Variants in IGFBP6 observed in about 807,000 individuals in gnomAD.
The protein encoded by IGFBP6 is insulin like growth factor binding protein 6, also known as insulin-like growth factor-binding protein 6.
IGFBP6 carries 24 observed loss-of-function variants against 24.5 expected under a neutral mutation model. The observed-to-expected ratio is 0.98, with a 90% CI of 0.71 to 1.38. IGFBP6 has a LOEUF of 1.38. Ranked by LOEUF, IGFBP6 falls within the 40% of genes most tolerant of loss-of-function variation. The probability of loss-of-function intolerance (pLI) is 0.00; values close to 1 mark genes in which losing one functional copy is unlikely to be tolerated. For synonymous variants in IGFBP6, 147 were observed against 137.4 expected, an observed-to-expected ratio of 1.07 and a Z score of -0.49; for missense variants, 331 against 324.8, an observed-to-expected ratio of 1.02 and a Z score of -0.15.
intron 3 of IGFBP6, 35 bp downstream of exon 3, chr12:53,101,195 G>A: frequency 6.2e-7 from 1 of 1,606,432 alleles, no homozygotes; most frequent in Non-Finnish European, 8.5e-7. Context: ...TGCTCCAGCA[G>A]AAGGCTCCTG....
intron 1 of IGFBP6, chr12:53,099,331 A>G (rs1937790221): frequency 2.2e-6 from 1 of 455,730 alleles, no homozygotes; most frequent in Non-Finnish European, 4.4e-6. Flanking sequence ...GCAGGTTGGA[A>G]GCCCCTCATT....
chr12:53,101,292 T>C, intron 3 of IGFBP6, 132 bp downstream of exon 3: 2 of 898,182 alleles, frequency 2.2e-6, no homozygotes, highest in Non-Finnish European at 3.4e-6. Flanking sequence ...TAGGAGAACA[T>C]AGAGAATATA....
rs768658045 is a variant in IGFBP6 at position 53,100,705 on chromosome 12, C to T, written c.335-7C>T. On this transcript the variant is annotated splice_region_variant and splice_polypyrimidine_tract_variant and intron_variant, in intron 1 of 3. Coordinates refer to ENST00000301464, the MANE Select transcript of IGFBP6 (RefSeq NM_002178.3). ...TCTGACCTCTCCTTCTCCTATTCCT[C>T]CTCCAGTTGCAGAGGAGAATCCTAA... 3.1e-6 allele frequency: 5 copies of T among 1,613,984 alleles called. No homozygotes were observed. In the South Asian group the frequency reaches 5.5e-5, roughly 18 times the overall value.
At chr12:53,098,098 C>T in intron 1 of IGFBP6, 47 bp downstream of exon 1, 3 of 1,391,674 alleles carry the variant, frequency 2.2e-6, no homozygotes, top group Non-Finnish European at 2.8e-6. Context: ...GACCCGCGTC[C>T]TCCAGGCAGG....
intron 3 of IGFBP6, 128 bp downstream of exon 3, chr12:53,101,288 A>G: frequency 1.1e-6 from 1 of 911,086 alleles, no homozygotes; most frequent in Non-Finnish European, 1.7e-6. Context: ...ACTTTAGGAG[A>G]ACATAGAGAA....
Position 53,097,823 on chromosome 12 carries a change from G to T in IGFBP6, c.106G>T (p.Val36Leu). 6.5e-7 allele frequency: 1 copy of T among 1,539,232 alleles called. No individual in the cohort carries two copies. The highest frequency in any genetic ancestry group is 8.7e-7 in the Non-Finnish European group (1 of 1,144,662). The change falls in exon 1 of 4, where the codon GTG becomes TTG. Residue 36 changes from valine to leucine, a missense_variant. Transcript: ENST00000301464. Reference sequence around the variant, plus strand: ...GCGGTGCCCAGGCTGCGGGCAAGGGGTGCAGGCGGGTTGTCCAGGGGGCTG... The same window carrying T: ...GCGGTGCCCAGGCTGCGGGCAAGGGTTGCAGGCGGGTTGTCCAGGGGGCTG... The part of the protein sequence containing the change: ...LARCPGCGQG[V>L]QAGCPGGCVE...
intron 2 of IGFBP6, 88 bp from the exon 3 acceptor site, chr12:53,100,953 T>G: frequency 1.2e-6 from 2 of 1,602,538 alleles, no homozygotes; most frequent in Non-Finnish European, 1.7e-6. Context: ...CTCCATTGTC[T>G]GTCCTGGGTG....
Position 53,100,763 on chromosome 12 carries a change from C to T in IGFBP6, c.386C>T (p.Pro129Leu). 6.2e-7 allele frequency: 1 copy of T among 1,614,186 alleles called. No individual in the cohort carries two copies. Among genetic ancestry groups the T allele is most frequent in the Non-Finnish European group, 8.5e-7 (1 of 1,180,026 alleles). Reference sequence around the variant, plus strand: ...AAACCCCAAGCAGGCACTGCCCGCCCACAGGATGTGAACCGCAGAGACCAA... The same window carrying T: ...AAACCCCAAGCAGGCACTGCCCGCCTACAGGATGTGAACCGCAGAGACCAA... ...ESKPQAGTARPQDVNRRDQQR... is the reference protein window; with the variant it reads ...ESKPQAGTARLQDVNRRDQQR... The change falls in exon 2 of 4, where the codon CCA (proline) becomes CTA (leucine). Residue 129 changes from proline to leucine, a missense_variant. Physicochemically the swap from Pro to Leu is moderately conservative, Grantham distance 98. Transcript: ENST00000301464.
chr12:53,100,321 C>T (rs1173862397), intron 1 of IGFBP6, among the ~76,000 whole-genome samples: 1 of 151,964 alleles, frequency 6.6e-6, no homozygotes, highest in Admixed American at 6.5e-5. Context: ...CACCACACCT[C>T]GGTAATTTTA....
In IGFBP6 at chr12:53,097,913, A is replaced by AGG; in HGVS notation, c.198_199dup (p.Glu67GlyfsTer67). ...CGCGGAAGCTGAGGGCTGTCTCAGG[A>AGG]GGGAGGGGCAGGAGTGCGGGGTCTA... On this transcript the variant is annotated frameshift_variant, in exon 1 of 4. Coordinates refer to ENST00000301464, the MANE Select transcript of IGFBP6 (RefSeq NM_002178.3). LOFTEE classifies it high-confidence loss of function. The AGG allele has an allele frequency of 6.6e-7, 1 of 1,515,134 alleles. No homozygotes were observed. Among genetic ancestry groups the AGG allele is most frequent in the Non-Finnish European group, 8.8e-7 (1 of 1,134,958 alleles). The allele number at this position is 1,515,134 out of a possible 1,614,324, so 93.9% of individuals were successfully genotyped here.
intron 1 of IGFBP6, among the ~76,000 whole-genome samples, chr12:53,098,468 G>A (rs9658603): frequency 0.039 from 5,988 of 152,256 alleles, 195 homozygotes; most frequent in South Asian, 0.17. Context: ...GGAGAAAAGG[G>A]GAGGGGAACC....
intron 1 of IGFBP6, chr12:53,099,212 A>G (rs1937786804): frequency 1.4e-5 from 6 of 433,134 alleles, no homozygotes; most frequent in Non-Finnish European, 2.8e-5. Context: ...CAGTCAGTAC[A>G]TGCTCCCCTT....
chr12:53,099,474 A>C (rs1937792163), intron 1 of IGFBP6: 1 of 340,704 alleles, frequency 2.9e-6, no homozygotes. Flanking sequence ...GCAGTGCCCC[A>C]GAAGTAACCA....
chr12:53,097,988 G>A lies in IGFBP6; in HGVS notation c.271G>A (p.Glu91Lys). ...GLQCHPPKDDEAPLRALLLGR... is the reference protein window; with the variant it reads ...GLQCHPPKDDKAPLRALLLGR... Reference sequence around the variant, plus strand: ...GCAGTGCCATCCGCCCAAGGACGACGAGGCGCCTTTGCGGGCGCTGCTGCT... The same window carrying A: ...GCAGTGCCATCCGCCCAAGGACGACAAGGCGCCTTTGCGGGCGCTGCTGCT... Residue 91 changes from glutamate to lysine, a missense_variant, in exon 1 of 4, where the codon GAG becomes AAG. Coordinates refer to ENST00000301464, the MANE Select transcript of IGFBP6 (RefSeq NM_002178.3). 2 of 1,516,778 alleles carry A rather than the reference G, an allele frequency of 1.3e-6. No homozygotes were observed. Among genetic ancestry groups the A allele is most frequent in the Non-Finnish European group, 8.8e-7 (1 of 1,139,730 alleles). The allele number at this position is 1,516,778 out of a possible 1,614,324, so 94.0% of individuals were successfully genotyped here. A position where few individuals can be genotyped will look rare whatever the true frequency, so the allele number is the denominator to read the frequency against.
At position 53,101,114 on chromosome 12, in the gene IGFBP6, T is replaced by G; in HGVS notation, c.554T>G (p.Leu185Arg). ...GAGGTCTACCGAGGGGCTCAAACAC[T>G]CTACGTGCCCAATTGTGACCATCGA... ...QTEVYRGAQT[L>R]YVPNCDHRGF... The change falls in exon 3 of 4, where the codon CTC (leucine) becomes CGC (arginine). Residue 185 changes from leucine (L) to arginine (R), a missense_variant. By Grantham distance (102) the Leu-to-Arg change is moderately radical. Coordinates refer to ENST00000301464, the MANE Select transcript of IGFBP6 (RefSeq NM_002178.3). 1 of 1,614,180 alleles carries G rather than the reference T, an allele frequency of 6.2e-7. No individual in the cohort carries two copies. Among genetic ancestry groups the G allele is most frequent in the South Asian group, 1.1e-5 (1 of 91,088 alleles).
At chr12:53,101,006 G>A in intron 2 of IGFBP6, 35 bp from the exon 3 acceptor site, 1 of 1,609,858 alleles carries the variant, frequency 6.2e-7, no homozygotes, top group Non-Finnish European at 8.5e-7. Context: ...AGCTGGGCTG[G>A]AGCGGTTCTA....
At chr12:53,100,274 C>T (rs757096977) in intron 1 of IGFBP6, among the ~76,000 whole-genome samples, 26 of 152,206 alleles carry the variant, frequency 1.7e-4, no homozygotes, top group Non-Finnish European at 3.2e-4. Flanking sequence ...GTCCTCCTGC[C>T]TCAGCCTCTC....
chr12:53,098,023 C>T lies in IGFBP6; in HGVS notation c.306C>T (p.Gly102=), dbSNP rs1238783834. The change falls in exon 1 of 4, where the codon GGC becomes GGT. Residue 102 remains glycine, a synonymous_variant. Transcript: ENST00000301464. ...TGCGGGCGCTGCTGCTCGGCCGAGG[C>T]CGCTGCCTTCCGGCCCGCGCGCCTG... ...APLRALLLGR[G]RCLPARAPAV... 2.0e-6 allele frequency: 3 copies of T among 1,489,428 alleles called. No homozygotes were observed. The highest frequency in any genetic ancestry group is 2.7e-6 in the Non-Finnish European group (3 of 1,128,756). 92.3% of individuals were successfully genotyped at this position (1,489,428 alleles called of 1,614,324 possible).
intron 2 of IGFBP6, 48 bp from the exon 3 acceptor site, chr12:53,100,993 G>C (rs977568990): frequency 3.7e-6 from 6 of 1,606,800 alleles, no homozygotes; most frequent in African/African-American, 1.3e-5. Flanking sequence ...GGTTGGAATG[G>C]GGAGCTGGGC....
Sources: allele counts gnomAD v4.1 joint callset (sites outside exome capture counted in the v4.1 genomes callset), GRCh38; gene constraint gnomAD v4.1.1; transcripts MANE v1.5; gene names NCBI Gene and HGNC (gene_info 2026-07-23, HGNC 2026-07-21).